The following EPHA10 variants were observed in gnomAD, a reference collection of about 807,000 sequenced individuals.
The protein encoded by EPHA10 is ephrin type-A receptor 10.
A neutral mutation model predicts 109.7 loss-of-function variants in EPHA10; 120 were observed. That is an observed-to-expected ratio of 1.09 (90% CI 0.94 to 1.27). The LOEUF is 1.27. EPHA10 is among the 50% of genes most tolerant of loss of function. The pLI is 0.00. For missense variants in EPHA10, 1,396 were observed against 1,411.1 expected (o/e 0.99, Z 0.17); for synonymous variants, 640 against 618.9 (o/e 1.03, Z -0.51).
intron 8 of EPHA10, among the ~76,000 whole-genome samples, 164 bp downstream of exon 8, chr1:37,726,938 T>C (rs1270202922): frequency 2.0e-5 from 3 of 152,182 alleles, no homozygotes; most frequent in African/African-American, 4.8e-5. Context: ...AACAGTGAGC[T>C]GGGGGGAGGG....
chr1:37,758,813 G>A (rs2148369418), intron 3 of EPHA10, among the ~76,000 whole-genome samples: 1 of 152,218 alleles, frequency 6.6e-6, no homozygotes, highest in Admixed American at 6.5e-5. Flanking sequence ...CCACTTTCTA[G>A]CTACCTCCAC....
At chr1:37,720,926 A>C in intron 11 of EPHA10, 82 bp from the exon 12 acceptor site, 1 of 1,426,580 alleles carries the variant, frequency 7.0e-7, no homozygotes. Context: ...AGGGTCCCAG[A>C]CTGGGCCTCG....
intron 6 of EPHA10, 75 bp downstream of exon 6, chr1:37,735,182 G>A (rs1646048387): frequency 6.5e-7 from 1 of 1,533,168 alleles, no homozygotes. Context: ...TTGCTGGGAG[G>A]ATGGCCTGAA....
chr1:37,723,049 A>G lies in EPHA10; in HGVS notation c.1952T>C (p.Leu651Pro), dbSNP rs1645825708. 2 of 1,613,986 alleles carry G rather than the reference A, an allele frequency of 1.2e-6. No individual in the cohort carries two copies. Among genetic ancestry groups the G allele is most frequent in the South Asian group, 1.1e-5 (1 of 91,086 alleles). The change falls in exon 10 of 17, where the codon CTT (leucine) becomes CCT (proline). Residue 651 changes from leucine (L) to proline (P), a missense_variant. Transcript: ENST00000373048. Reference sequence around the variant, plus strand: ...CTGGGCGCCCAGCTTGCCTCCTCCAAGGCTCCTCTCCAGCGTGACGCTTTT... The same window carrying G: ...CTGGGCGCCCAGCTTGCCTCCTCCAGGGCTCCTCTCCAGCGTGACGCTTTT... Reference protein sequence around the residue: ...DAKSVTLERSLGGGRFGELCC... With the variant: ...DAKSVTLERSPGGGRFGELCC...
At chr1:37,714,634 A>G (rs1246187908), downstream of EPHA10, 1 of 152,190 alleles carries the variant, frequency 6.6e-6, no homozygotes, top group Admixed American at 6.5e-5. Context: ...CAGGCCCTTT[A>G]AAGGGGTGAT....
chr1:37,719,262 G>T, intron 15 of EPHA10, 152 bp downstream of exon 15: 1 of 872,296 alleles, frequency 1.1e-6, no homozygotes, highest in Non-Finnish European at 1.8e-6. Flanking sequence ...GTGGGCCTGG[G>T]CAGGCAGGCA....
At chr1:37,762,173 T>C in intron 2 of EPHA10, 90 bp from the exon 3 acceptor site, 3 of 1,207,174 alleles carry the variant, frequency 2.5e-6, no homozygotes, top group Non-Finnish European at 3.5e-6. Context: ...TTCTCTCTCA[T>C]GCACCATGCA....
At position 37,733,189 on chromosome 1, in the gene EPHA10, G is replaced by A. The variant is rs192793871; in HGVS notation, c.1492-1607C>T. On this transcript the variant is annotated intron_variant, in intron 6 of 16. Transcript: ENST00000373048. ...ATTACAGGCGTGCACCACCACGCCC[G>A]GACTTGTTCCTTCTTTTTTGTTGTT... Among the ~76,000 whole-genome samples, 183 of 151,736 alleles carry A rather than the reference G, an allele frequency of 1.2e-3. 1 individual carries two copies. The highest frequency in any genetic ancestry group is 2.5e-3 in the African/African-American group (103 of 41,366).
In EPHA10 at chr1:37,727,214, G is replaced by T; in HGVS notation, c.1664-4C>A. 6.3e-7 allele frequency: 1 copy of T among 1,595,350 alleles called. No homozygotes were observed. The highest frequency in any genetic ancestry group is 1.7e-5 in the Admixed American group (1 of 57,892). ...TGGTCCCTGGACCCTGAGGCAGCTGGGAGGAAAATCACGAGGTTGAGGCAG... is the reference window on the plus strand; with the variant it reads ...TGGTCCCTGGACCCTGAGGCAGCTGTGAGGAAAATCACGAGGTTGAGGCAG... On this transcript the variant is annotated splice_polypyrimidine_tract_variant and splice_region_variant and intron_variant, in intron 7 of 16. Transcript: ENST00000373048.
intron 5 of EPHA10, among the ~76,000 whole-genome samples, chr1:37,750,289 A>G (rs931950943): frequency 6.6e-6 from 1 of 152,228 alleles, no homozygotes; most frequent in Non-Finnish European, 1.5e-5. Flanking sequence ...CGTTGGCAAA[A>G]TACCCATCTG....
chr1:37,762,115 A>C (rs1368450392), intron 2 of EPHA10, 32 bp from the exon 3 acceptor site: 1 of 1,537,434 alleles, frequency 6.5e-7, no homozygotes, highest in Non-Finnish European at 8.8e-7. Context: ...TGGGCAGCCC[A>C]GAGCCAAAGT....
chr1:37,722,901 G>A (rs1223501870), intron 10 of EPHA10, 140 bp downstream of exon 10: 1 of 1,296,900 alleles, frequency 7.7e-7, no homozygotes, highest in East Asian at 2.4e-5. Flanking sequence ...GGCTTGGTGT[G>A]GAGGCAGGGC....
At position 37,754,331 on chromosome 1, in the gene EPHA10, G is replaced by A; in HGVS notation, c.890C>T (p.Pro297Leu). 7.6e-7 allele frequency: 1 copy of A among 1,312,174 alleles called. No individual in the cohort carries two copies. Among genetic ancestry groups the A allele is most frequent in the East Asian group, 3.1e-5 (1 of 32,566 alleles). 81.3% of individuals were successfully genotyped at this position (1,312,174 alleles called of 1,614,324 possible). A position where few individuals can be genotyped will look rare whatever the true frequency, so the allele number is the denominator to read the frequency against. ...GTGCTCTGGGCACGGTGAGCAGAGG[G>A]GCCGCCGCGGGGACACCTTGTAAAA... ...PGFYKVSPRR[P>L]LCSPCPEHSR... Residue 297 changes from proline to leucine, a missense_variant, in exon 4 of 17, where the codon CCC (proline) becomes CTC (leucine). By Grantham distance (98) the Pro-to-Leu change is moderately conservative. Transcript: ENST00000373048. This position sits in a 1 kb window ranked among gnomAD's most constrained non-coding sequence, Gnocchi z 4.5.
chr1:37,740,015 G>T (rs904235023), intron 5 of EPHA10, among the ~76,000 whole-genome samples: 1 of 151,982 alleles, frequency 6.6e-6, no homozygotes, highest in Non-Finnish European at 1.5e-5. Context: ...GCTTGCCCAA[G>T]ACCAGAAGGT....
chr1:37,753,365 G>A (rs954224746), intron 4 of EPHA10, 139 bp from the exon 5 acceptor site: 20 of 492,776 alleles, frequency 4.1e-5, no homozygotes, highest in African/African-American at 3.7e-4. Flanking sequence ...AGTCGGGGAG[G>A]AGGGAACCAG....
At chr1:37,725,003 T>C (rs116827691) in intron 8 of EPHA10, among the ~76,000 whole-genome samples, 4,067 of 152,150 alleles carry the variant, frequency 0.027, 79 homozygotes, top group Non-Finnish European at 0.04. Flanking sequence ...GGTTCAGCCA[T>C]AGGTGGAAGG....
chr1:37,759,108 CCCTCTTCAAT>C (rs1437234925), intron 3 of EPHA10, among the ~76,000 whole-genome samples: 24 of 152,308 alleles, frequency 1.6e-4, no homozygotes, highest in Admixed American at 2.6e-4. Context: ...CCTAATCCTT[CCCTCTTCAAT>C]CCTTTCTTTG....
intron 5 of EPHA10, among the ~76,000 whole-genome samples, chr1:37,736,537 G>T (rs963442992): frequency 7.3e-6 from 1 of 137,586 alleles, no homozygotes; most frequent in Non-Finnish European, 1.5e-5. Context: ...GTGAAACCCC[G>T]TCTCTACTAA....
chr1:37,728,182 CCT>C (rs542500685), intron 7 of EPHA10, among the ~76,000 whole-genome samples: 5 of 152,222 alleles, frequency 3.3e-5, no homozygotes, highest in South Asian at 2.1e-4. Flanking sequence ...CAAGTCGTCC[CCT>C]GTGTCTGGGA....
Sources: allele counts gnomAD v4.1 joint callset (sites outside exome capture counted in the v4.1 genomes callset), GRCh38; gene constraint gnomAD v4.1.1; non-coding constraint Gnocchi (gnomAD v3.1); transcripts MANE v1.5; gene names NCBI Gene and HGNC (gene_info 2026-07-23, HGNC 2026-07-21).